CUX2: variants seen among roughly 807,000 people sequenced by gnomAD.
CUX2 encodes the protein homeobox protein cut-like 2.
A neutral mutation model predicts 144.8 loss-of-function variants in CUX2; 40 were observed. The ratio of observed to expected loss-of-function variants is 0.28; its 90% CI spans 0.21 to 0.36. The LOEUF is 0.36. Ranked by LOEUF, CUX2 falls within the 10% of genes least tolerant of loss-of-function variation. The pLI is 1.00. For synonymous variants in CUX2, 827 were observed against 875.6 expected (o/e 0.94, Z 0.98); for missense variants, 1,615 against 1,994.0 (o/e 0.81, Z 3.62).
chr12:111,103,280 A>T (rs548410203), intron 1 of CUX2, among the ~76,000 whole-genome samples: 17 of 152,288 alleles, frequency 1.1e-4, no homozygotes, highest in Middle Eastern at 3.4e-3. Flanking sequence ...AGTTTCCCAT[A>T]AACAGGGCGC....
chr12:111,215,097 G>A (rs1205946872), intron 2 of CUX2, among the ~76,000 whole-genome samples: 1 of 152,210 alleles, frequency 6.6e-6, no homozygotes, highest in African/African-American at 2.4e-5. Flanking sequence ...GATCTCTGCG[G>A]CCAGATCTCC....
chr12:111,143,403 G>A (rs548160377), intron 1 of CUX2, among the ~76,000 whole-genome samples: 29 of 152,256 alleles, frequency 1.9e-4, no homozygotes, highest in African/African-American at 6.5e-4. Context: ...CCTGTCATTC[G>A]CACCAGGCGT....
intron 1 of CUX2, among the ~76,000 whole-genome samples, chr12:111,189,170 G>A (rs193229298): frequency 1.3e-5 from 2 of 152,304 alleles, no homozygotes; most frequent in African/African-American, 4.8e-5. Context: ...TACTCAAGGG[G>A]CTGAGCTGGG....
chr12:111,292,723 G>A (rs1885758313), intron 5 of CUX2, among the ~76,000 whole-genome samples: 1 of 152,234 alleles, frequency 6.6e-6, no homozygotes, highest in African/African-American at 2.4e-5. Context: ...ATTGGTCGTT[G>A]CCTAGGGCTG....
chr12:111,295,985 T>C lies in CUX2; in HGVS notation c.638-488T>C, dbSNP rs1301703501. 2.6e-5 allele frequency among the ~76,000 whole-genome samples: 4 copies of C among 152,110 alleles called. No homozygotes were observed. Among genetic ancestry groups the C allele is most frequent in the Non-Finnish European group, 5.9e-5 (4 of 68,012 alleles). On this transcript the variant is annotated intron_variant, in intron 7 of 21. Transcript: ENST00000261726. The surrounding 1 kb of genome is among the most constrained non-coding windows in gnomAD (Gnocchi z 5.0). The stretch of plus-strand genomic sequence containing the variant: ...CAGAGAAATTAGAAATCTGGAGTTG[T>C]ATCAAAAACGCTCGTTCATTGTAAC...
At chr12:111,060,719 A>G (rs959973760) in intron 1 of CUX2, among the ~76,000 whole-genome samples, 9 of 152,198 alleles carry the variant, frequency 5.9e-5, no homozygotes, top group African/African-American at 1.7e-4. Flanking sequence ...CCTCAGGCCC[A>G]GCCCGGCCCA....
intron 18 of CUX2, among the ~76,000 whole-genome samples, chr12:111,331,472 G>T (rs758531949): frequency 6.6e-6 from 1 of 152,054 alleles, no homozygotes; most frequent in Non-Finnish European, 1.5e-5. Context: ...ACCCATTAGG[G>T]GTGCCTCCCT....
At chr12:111,309,537 G>A (rs145050588) in intron 14 of CUX2, among the ~76,000 whole-genome samples, 77 of 152,118 alleles carry the variant, frequency 5.1e-4, no homozygotes, top group African/African-American at 1.8e-3. Flanking sequence ...AGCCAAGGTC[G>A]GCGCTTCCAG....
chr12:111,183,910 G>A (rs1017312754), intron 1 of CUX2, among the ~76,000 whole-genome samples: 4 of 152,198 alleles, frequency 2.6e-5, no homozygotes, highest in Non-Finnish European at 5.9e-5. Flanking sequence ...TGAAGTTACT[G>A]TGAGACTTTT....
At chr12:111,193,669 G>A (rs1880039916) in intron 1 of CUX2, among the ~76,000 whole-genome samples, 1 of 152,206 alleles carries the variant, frequency 6.6e-6, no homozygotes, top group African/African-American at 2.4e-5. Context: ...CAGGAATGAA[G>A]GCGCTGGAGG....
intron 9 of CUX2, among the ~76,000 whole-genome samples, chr12:111,302,145 G>A (rs1405041502): frequency 1.3e-5 from 2 of 152,176 alleles, no homozygotes; most frequent in Non-Finnish European, 1.5e-5. Flanking sequence ...GAATGTGTAT[G>A]GGTCTCAATA....
intron 18 of CUX2, among the ~76,000 whole-genome samples, chr12:111,326,406 G>A (rs1887818801): frequency 1.1e-5 from 1 of 94,222 alleles, no homozygotes; most frequent in Non-Finnish European, 2.0e-5. Context: ...TTTGTTTATA[G>A]TGTTGTGTTG....
Position 111,307,361 on chromosome 12 carries a change from T to G in CUX2, c.1109+104T>G. Reference sequence around the variant, plus strand: ...CTCCCTCCTACTAAACCCCATTTGTTCTTCTCTCCACTAACACTGTGGATA... The same window carrying G: ...CTCCCTCCTACTAAACCCCATTTGTGCTTCTCTCCACTAACACTGTGGATA... On this transcript the variant is annotated intron_variant, in intron 12 of 21. Transcript: ENST00000261726. This position sits in a 1 kb window ranked among gnomAD's most constrained non-coding sequence, Gnocchi z 4.1. 1.9e-6 allele frequency: 2 copies of G among 1,035,492 alleles called. No homozygotes were observed. The highest frequency in any genetic ancestry group is 2.9e-6 in the Non-Finnish European group (2 of 696,330). The allele number at this position is 1,035,492 out of a possible 1,614,324, so 64.1% of individuals were successfully genotyped here. A position where few individuals can be genotyped will look rare whatever the true frequency, so the allele number is the denominator to read the frequency against.
At chr12:111,221,084 C>A (rs749318776) in intron 3 of CUX2, among the ~76,000 whole-genome samples, 5 of 152,034 alleles carry the variant, frequency 3.3e-5, no homozygotes, top group Admixed American at 6.6e-5. Context: ...AAGCAGAATT[C>A]TCATTTTCAA....
chr12:111,158,015 A>G (rs994189504), intron 1 of CUX2, among the ~76,000 whole-genome samples: 3 of 152,208 alleles, frequency 2.0e-5, no homozygotes, highest in Non-Finnish European at 2.9e-5. Flanking sequence ...TAAAAATTAA[A>G]CCAAATCCCT....
intron 1 of CUX2, among the ~76,000 whole-genome samples, chr12:111,204,695 C>T (rs1286928545): frequency 1.3e-5 from 2 of 152,166 alleles, no homozygotes; most frequent in African/African-American, 4.8e-5. Context: ...CATTGGCTCC[C>T]TCAACAGATG....
Position 111,334,543 on chromosome 12 carries a change from A to G in CUX2, c.3029A>G (p.Lys1010Arg), listed in dbSNP as rs759407125. Residue 1010 changes from lysine (K) to arginine (R), a missense_variant, in exon 19 of 22, where the codon AAG becomes AGG. Coordinates refer to ENST00000261726, the MANE Select transcript of CUX2 (RefSeq NM_015267.4). ...EPLSLSLESS[K>R]ENQQPEGRSS... Reference sequence around the variant, plus strand: ...TTGAGCCTGTCCCTGGAGAGCAGCAAGGAGAACCAGCAGCCAGAGGGCCGC... The same window carrying G: ...TTGAGCCTGTCCCTGGAGAGCAGCAGGGAGAACCAGCAGCCAGAGGGCCGC... 1 of 1,614,012 alleles carries G rather than the reference A, an allele frequency of 6.2e-7. No individual in the cohort carries two copies. The highest frequency in any genetic ancestry group is 1.1e-5 in the South Asian group (1 of 91,068).
intron 1 of CUX2, among the ~76,000 whole-genome samples, chr12:111,208,543 C>G (rs1881041417): frequency 6.6e-6 from 1 of 152,224 alleles, no homozygotes; most frequent in Non-Finnish European, 1.5e-5. Flanking sequence ...CCACCCTCCC[C>G]TCTGAGAAAA....
At position 111,348,243 on chromosome 12, in the gene CUX2, A is replaced by G. The variant is rs1385809386; in HGVS notation, c.4379A>G (p.Glu1460Gly). 1 of 1,613,976 alleles carries G rather than the reference A, an allele frequency of 6.2e-7. No individual in the cohort carries two copies. Among genetic ancestry groups the G allele is most frequent in the Admixed American group, 1.7e-5 (1 of 60,012 alleles). The change falls in exon 22 of 22, where the codon GAG becomes GGG. Residue 1460 changes from glutamate (E) to glycine (G), a missense_variant. Physicochemically the swap from Glu to Gly is moderately conservative, Grantham distance 98. This residue lies in a region of CUX2 where 298 missense variants were observed against 330.4 expected (regional missense o/e 0.90). Coordinates refer to ENST00000261726, the MANE Select transcript of CUX2 (RefSeq NM_015267.4). ...KVNPNLQRRH[E>G]KMANLNNIIY... ...AACCCCAACTTGCAGCGGCGGCATG[A>G]GAAGATGGCCAATCTGAACAACATC... is the stretch of plus-strand genomic sequence containing the variant.
Sources: allele counts gnomAD v4.1 joint callset (sites outside exome capture counted in the v4.1 genomes callset), GRCh38; gene constraint gnomAD v4.1.1; regional missense constraint gnomAD v4.1.1; non-coding constraint Gnocchi (gnomAD v3.1); transcripts MANE v1.5; gene names NCBI Gene and HGNC (gene_info 2026-07-23, HGNC 2026-07-21).